Variants in KMO observed in about 807,000 individuals in gnomAD.
KMO encodes kynurenine 3-hydroxylase.
KMO carries 24 observed loss-of-function variants against 57.8 expected under a neutral mutation model. The ratio of observed to expected loss-of-function variants is 0.42; its 90% CI spans 0.30 to 0.58. The LOEUF (loss-of-function observed/expected upper bound fraction) is 0.58. KMO is among the 20% of genes least tolerant of loss of function. The pLI, the probability that KMO is intolerant of heterozygous loss-of-function variation, is 0.22. For synonymous variants in KMO, 210 were observed against 193.6 expected, an observed-to-expected ratio of 1.08 and a Z score of -0.70; for missense variants, 483 against 588.2, an observed-to-expected ratio of 0.82 and a Z score of 1.85.
chr1:241,550,579 G>T (rs1661358173), intron 3 of KMO, among the ~76,000 whole-genome samples: 1 of 152,182 alleles, frequency 6.6e-6, no homozygotes, highest in Admixed American at 6.5e-5. Context: ...GATAGCAGCA[G>T]TCATGTGTAA....
At chr1:241,566,661 A>G in intron 9 of KMO, 49 bp downstream of exon 9, 1 of 1,602,330 alleles carries the variant, frequency 6.2e-7, no homozygotes, top group South Asian at 1.1e-5. Flanking sequence ...ATTATTCCAA[A>G]TTCAAATAAA....
chr1:241,542,467 A>G (rs998396866), intron 1 of KMO, among the ~76,000 whole-genome samples: 1 of 152,246 alleles, frequency 6.6e-6, no homozygotes, highest in African/African-American at 2.4e-5. Context: ...TGTACACACA[A>G]ACAGGTTAGA....
At chr1:241,549,798 G>GA in intron 3 of KMO, 24 bp downstream of exon 3, 2 of 1,375,674 alleles carry the variant, frequency 1.5e-6, no homozygotes, top group African/African-American at 1.4e-5. Flanking sequence ...CTTTCTTACA[G>GA]AAGATAATAC....
At chr1:241,588,973 G>A (rs1469587603) in intron 12 of KMO, 143 bp downstream of exon 12, 2 of 609,504 alleles carry the variant, frequency 3.3e-6, no homozygotes, top group Non-Finnish European at 5.8e-6. Flanking sequence ...CACACACATA[G>A]CATTCCTTAG....
chr1:241,540,880 A>G (rs1660934608), intron 1 of KMO, among the ~76,000 whole-genome samples: 1 of 152,102 alleles, frequency 6.6e-6, no homozygotes. Context: ...CCTTGGCAAC[A>G]TAGCAAGATC....
At chr1:241,532,572 C>T (rs1573895780) in intron 1 of KMO, 74 bp downstream of exon 1, 6 of 1,094,136 alleles carry the variant, frequency 5.5e-6, no homozygotes, top group Middle Eastern at 2.8e-4. Context: ...GATTATTATT[C>T]GTCACTTCTG....
chr1:241,563,047 C>T (rs1400667943), intron 7 of KMO, among the ~76,000 whole-genome samples: 1 of 152,096 alleles, frequency 6.6e-6, no homozygotes, highest in Admixed American at 6.6e-5. Flanking sequence ...GAGAAAAAAA[C>T]AGGTTGATGA....
intron 5 of KMO, among the ~76,000 whole-genome samples, chr1:241,558,376 C>T (rs1457292098): frequency 6.6e-6 from 1 of 152,162 alleles, no homozygotes; most frequent in Non-Finnish European, 1.5e-5. Flanking sequence ...AAAGTTCATT[C>T]TTTCTTTACG....
Position 241,592,192 on chromosome 1 carries a change from T to G in KMO, c.*39T>G. 6.7e-7 allele frequency: 1 copy of G among 1,493,542 alleles called. No homozygotes were observed. The highest frequency in any genetic ancestry group is 9.3e-7 in the Non-Finnish European group (1 of 1,076,086). The allele number at this position is 1,493,542 out of a possible 1,614,324, so 92.5% of individuals were successfully genotyped here. A position where few individuals can be genotyped will look rare whatever the true frequency, so the allele number is the denominator to read the frequency against. Reference sequence around the variant, plus strand: ...TGGTAGCAAATGCATGATTTCTCTGTGACCAAAATTAAGCATGAAAAAAAT... The same window carrying G: ...TGGTAGCAAATGCATGATTTCTCTGGGACCAAAATTAAGCATGAAAAAAAT... On this transcript the variant is annotated 3_prime_UTR_variant, in exon 15 of 15. Coordinates refer to ENST00000366559, the MANE Select transcript of KMO (RefSeq NM_003679.5).
chr1:241,543,774 C>T (rs747970316), intron 1 of KMO, among the ~76,000 whole-genome samples: 8 of 152,144 alleles, frequency 5.3e-5, no homozygotes, highest in Non-Finnish European at 1.2e-4. Context: ...TAGATTTAAT[C>T]TTAATGTGCC....
intron 9 of KMO, among the ~76,000 whole-genome samples, chr1:241,567,023 C>T (rs1315602508): frequency 6.6e-6 from 1 of 152,168 alleles, no homozygotes; most frequent in African/African-American, 2.4e-5. Context: ...ATATTCCACT[C>T]GTGGGAAAAG....
chr1:241,558,076 A>G (rs772571768), intron 5 of KMO, among the ~76,000 whole-genome samples: 2 of 152,222 alleles, frequency 1.3e-5, no homozygotes, highest in Non-Finnish European at 2.9e-5. Context: ...GAGAGCTTGG[A>G]TCACACTGTT....
At chr1:241,548,703 GT>G in intron 1 of KMO, 125 bp from the exon 2 acceptor site, 1 of 520,346 alleles carries the variant, frequency 1.9e-6, no homozygotes, top group Non-Finnish European at 3.4e-6. Context: ...AATGAGGCTG[GT>G]AAAATATGAC....
At chr1:241,560,475 T>C (rs986642663) in intron 5 of KMO, among the ~76,000 whole-genome samples, 190 bp from the exon 6 acceptor site, 2 of 152,252 alleles carry the variant, frequency 1.3e-5, no homozygotes, top group African/African-American at 4.8e-5. Context: ...TCATCTGTTT[T>C]ACTACCAAAT....
chr1:241,549,354 T>A (rs547425929), intron 2 of KMO, among the ~76,000 whole-genome samples: 305 of 150,776 alleles, frequency 2.0e-3, no homozygotes, highest in African/African-American at 6.8e-3. Flanking sequence ...GAAAGAAAGA[T>A]AGAAGGAAAG....
At chr1:241,554,208 T>G (rs1174464816) in intron 4 of KMO, among the ~76,000 whole-genome samples, 2 of 151,392 alleles carry the variant, frequency 1.3e-5, no homozygotes, top group Non-Finnish European at 3.0e-5. Context: ...TACATATTTT[T>G]TATTACATAA....
rs184596672 is a variant in KMO at position 241,592,841 on chromosome 1, A to G, written c.*688A>G. The G allele has an allele frequency of 5.8e-3, 883 of 153,310 alleles. 7 individuals carry two copies. The highest frequency in any genetic ancestry group is 8.7e-3 in the Non-Finnish European group (600 of 69,166). 9.5% of individuals were successfully genotyped at this position (153,310 alleles called of 1,614,324 possible). ...TTAGAGATCAGGTCTCACTCTGTTGACCAGGCTGGAGTGCAGTGGTGAGAT... is the reference window on the plus strand; with the variant it reads ...TTAGAGATCAGGTCTCACTCTGTTGGCCAGGCTGGAGTGCAGTGGTGAGAT... On this transcript the variant is annotated 3_prime_UTR_variant, in exon 15 of 15. Coordinates refer to ENST00000366559, the MANE Select transcript of KMO (RefSeq NM_003679.5).
Position 241,547,929 on chromosome 1 carries a change from A to G in KMO, c.55-900A>G, listed in dbSNP as rs146212704. Among the ~76,000 whole-genome samples, 611 of 152,116 alleles carry G rather than the reference A, an allele frequency of 4.0e-3. 3 individuals carry two copies. Among genetic ancestry groups the G allele is most frequent in the African/African-American group, 0.014 (561 of 41,504 alleles). ...TTAACATATTCCCAGACCAGAAACAACTCAAGTGTCCTTTGACAGTAGGGC... is the reference window on the plus strand; with the variant it reads ...TTAACATATTCCCAGACCAGAAACAGCTCAAGTGTCCTTTGACAGTAGGGC... On this transcript the variant is annotated intron_variant, in intron 1 of 14. Transcript: ENST00000366559.
At chr1:241,580,104 T>C (rs1219153117) in intron 10 of KMO, among the ~76,000 whole-genome samples, 1 of 152,158 alleles carries the variant, frequency 6.6e-6, no homozygotes, top group Non-Finnish European at 1.5e-5. Flanking sequence ...TCTCACCCTC[T>C]CACACTTTGA....
Sources: allele counts gnomAD v4.1 joint callset (sites outside exome capture counted in the v4.1 genomes callset), GRCh38; gene constraint gnomAD v4.1.1; transcripts MANE v1.5; gene names NCBI Gene and HGNC (gene_info 2026-07-23, HGNC 2026-07-21).